Variants in FAT1 observed in about 807,000 individuals in gnomAD.
FAT1 encodes protocadherin Fat 1.
A neutral mutation model predicts 329.8 loss-of-function variants in FAT1; 171 were observed. That is an observed-to-expected ratio of 0.52 (90% confidence interval 0.46 to 0.59). The LOEUF (loss-of-function observed/expected upper bound fraction) is 0.59, where lower values mean the gene tolerates loss of function less well. FAT1 is among the 20% of genes least tolerant of loss of function. FAT1 has a pLI of 0.00. For synonymous variants in FAT1, 2,233 were observed against 2,228.6 expected (o/e 1.00, Z -0.06); for missense variants, 5,672 against 5,774.4 (o/e 0.98, Z 0.57).
At chr4:186,646,572 T>C (rs1031899178) in intron 3 of FAT1, among the ~76,000 whole-genome samples, 2 of 152,166 alleles carry the variant, frequency 1.3e-5, no homozygotes, top group African/African-American at 2.4e-5. Context: ...TTATGTCTGA[T>C]CCTTTATAGC....
chr4:186,683,621 T>G (rs1743326873), intron 2 of FAT1, among the ~76,000 whole-genome samples: 1 of 152,138 alleles, frequency 6.6e-6, no homozygotes, highest in South Asian at 2.1e-4. Context: ...CAGCAGGACT[T>G]GCAGCTGCTG....
intron 3 of FAT1, among the ~76,000 whole-genome samples, chr4:186,651,851 C>T (rs1238948407): frequency 1.3e-5 from 2 of 152,228 alleles, no homozygotes; most frequent in South Asian, 2.1e-4. Flanking sequence ...TAAGACCACA[C>T]GTCACTACAG....
intron 2 of FAT1, among the ~76,000 whole-genome samples, chr4:186,672,545 T>G (rs1263737558): frequency 6.6e-6 from 1 of 152,188 alleles, no homozygotes; most frequent in African/African-American, 2.4e-5. Flanking sequence ...AGTGGCCTGA[T>G]GATGACTGAC....
At chr4:186,595,351 G>A (rs1434284171) in intron 26 of FAT1, among the ~76,000 whole-genome samples, 1 of 151,856 alleles carries the variant, frequency 6.6e-6, no homozygotes, top group Non-Finnish European at 1.5e-5. Context: ...GTGCTGCGTG[G>A]TTAAGAAAGT....
chr4:186,609,050 T>G lies in FAT1; in HGVS notation c.10206+133A>C, dbSNP rs1398273986. 4 of 823,938 alleles carry G rather than the reference T, an allele frequency of 4.9e-6. No individual in the cohort carries two copies. In the South Asian group the frequency reaches 5.8e-5, roughly 12 times the overall value. The allele number at this position is 823,938 out of a possible 1,614,324, so 51.0% of individuals were successfully genotyped here. ...CTTCATAGTGTCATTGCTTTTCGAG[T>G]GTTTACATGTTGCCGTCAGTTCTTG... is the stretch of plus-strand genomic sequence containing the variant. On this transcript the variant is annotated intron_variant, in intron 16 of 26. Coordinates refer to ENST00000441802, the MANE Select transcript of FAT1 (RefSeq NM_005245.4).
At chr4:186,672,709 T>C (rs1742786827) in intron 2 of FAT1, among the ~76,000 whole-genome samples, 1 of 152,210 alleles carries the variant, frequency 6.6e-6, no homozygotes, top group South Asian at 2.1e-4. Context: ...ACAAGCAACC[T>C]GCCAGAAGTC....
chr4:186,725,097 A>G (rs1464980359), upstream of FAT1, among the ~76,000 whole-genome samples: 1 of 152,156 alleles, frequency 6.6e-6, no homozygotes, highest in Admixed American at 6.5e-5. The surrounding 1 kb of genome is among the most constrained non-coding windows in gnomAD (Gnocchi z 5.4). Context: ...ACCAGTTGGA[A>G]TACACATAGA....
In FAT1 at chr4:186,613,153, G is replaced by A. The variant is rs375308616; in HGVS notation, c.9419C>T (p.Pro3140Leu). 41 of 1,613,366 alleles carry A rather than the reference G, an allele frequency of 2.5e-5. No individual in the cohort carries two copies. Among genetic ancestry groups the A allele is most frequent in the African/African-American group, 2.5e-4 (19 of 74,978 alleles). ...CTGCACTCTTGTCAGCAGCGTTCCC[G>A]GCTCTGTGTTTTCAAACACGGTGAT... ...YAITVFENTE[P>L]GTLLTRVQAT... Residue 3140 changes from proline (P) to leucine (L), a missense_variant, in exon 13 of 27, where the codon CCG becomes CTG. Coordinates refer to ENST00000441802, the MANE Select transcript of FAT1 (RefSeq NM_005245.4).
At chr4:186,722,414 G>A (rs1745506319) in intron 1 of FAT1, among the ~76,000 whole-genome samples, 1 of 152,128 alleles carries the variant, frequency 6.6e-6, no homozygotes, top group African/African-American at 2.4e-5. Flanking sequence ...GCCATGTTTA[G>A]CATCACTCAA....
chr4:186,682,700 T>G (rs2126647254), intron 2 of FAT1, among the ~76,000 whole-genome samples: 1 of 152,280 alleles, frequency 6.6e-6, no homozygotes, highest in Non-Finnish European at 1.5e-5. Flanking sequence ...AAAGAAAGTC[T>G]GTTAGCAAAG....
In FAT1 at chr4:186,619,764, G is replaced by A. The variant is rs3796648; in HGVS notation, c.6822C>T (p.Asp2274=). ...ACACAGGAGGGTTATCATTGATGTC[G>A]TCTACTATGATGTCCACAAATACTT... The part of the protein sequence containing the change: ...HAEVFVDIIV[D]DINDNPPVFA... The change falls in exon 10 of 27, where the codon GAC becomes GAT. Residue 2274 remains aspartate, a synonymous_variant. Coordinates refer to ENST00000441802, the MANE Select transcript of FAT1 (RefSeq NM_005245.4). The A allele has an allele frequency of 1.8e-5, 29 of 1,613,816 alleles. No individual in the cohort carries two copies. Among genetic ancestry groups the A allele is most frequent in the African/African-American group, 1.6e-4 (12 of 74,922 alleles).
Position 186,618,826 on chromosome 4 carries a change from G to T in FAT1, c.7760C>A (p.Thr2587Lys). Residue 2587 changes from threonine to lysine, a missense_variant, in exon 10 of 27, where the codon ACA becomes AAA. Thr to Lys is a moderately conservative substitution (Grantham distance 78). This residue lies in a region of FAT1 where 3,966 missense variants were observed against 3,915.2 expected (regional missense o/e 1.01). Transcript: ENST00000441802. The stretch of plus-strand genomic sequence containing the variant: ...TTGTGGTGCATTGTCATTGTCATCT[G>T]TAAGGATGACATTCACGGTGCAGAA... ...VAFCTVNVIL[T>K]DDNDNAPQFR... The T allele has an allele frequency of 6.2e-7, 1 of 1,614,018 alleles. No homozygotes were observed. Among genetic ancestry groups the T allele is most frequent in the Middle Eastern group, 1.6e-4 (1 of 6,062 alleles).
intron 21 of FAT1, among the ~76,000 whole-genome samples, chr4:186,601,038 AGAGTTTGAATGTTAACTGTCACATG>A (rs1738789327): frequency 6.6e-6 from 1 of 152,214 alleles, no homozygotes; most frequent in South Asian, 2.1e-4. Context: ...GGCATCACCT[AGAGTTTGAATGTTAACTGTCACATG>A]GACCTAAATC....
intron 1 of FAT1, among the ~76,000 whole-genome samples, chr4:186,711,111 A>T (rs1280371313): frequency 6.6e-6 from 1 of 152,252 alleles, no homozygotes; most frequent in Non-Finnish European, 1.5e-5. Flanking sequence ...AATGAAGAGC[A>T]AACTGGAGGG....
intron 3 of FAT1, among the ~76,000 whole-genome samples, chr4:186,646,879 T>C (rs1407645358): frequency 1.3e-5 from 2 of 152,196 alleles, no homozygotes; most frequent in Non-Finnish European, 2.9e-5. Flanking sequence ...CTACTTCACC[T>C]GAACACGTAC....
At chr4:186,615,234 C>T (rs539657679) in intron 11 of FAT1, among the ~76,000 whole-genome samples, 98 of 152,152 alleles carry the variant, frequency 6.4e-4, no homozygotes, top group Middle Eastern at 3.4e-3. Flanking sequence ...GAGAGAATGT[C>T]GCACCCCTTC....
rs371051041 is a variant in FAT1 at position 186,612,044 on chromosome 4, C to T, written c.9464-269G>A. Among the ~76,000 whole-genome samples the T allele has an allele frequency of 1.1e-4, 17 of 150,600 alleles. No homozygotes were observed. The East Asian group carries it at 2.7e-3, about 24-fold the overall frequency. Reference sequence around the variant, plus strand: ...CAGGCTGGTCTTGAACTCCTGACCTCGTGATCCACCCGCCTCGGCCTCCCA... The same window carrying T: ...CAGGCTGGTCTTGAACTCCTGACCTTGTGATCCACCCGCCTCGGCCTCCCA... On this transcript the variant is annotated intron_variant, in intron 13 of 26. Transcript: ENST00000441802.
chr4:186,634,765 T>A (rs146611388), intron 6 of FAT1, among the ~76,000 whole-genome samples: 37 of 152,348 alleles, frequency 2.4e-4, no homozygotes, highest in Middle Eastern at 3.4e-3. Context: ...TCACAAGTCA[T>A]CTGAAAGATG....
At chr4:186,655,410 G>A (rs1225651481) in intron 3 of FAT1, among the ~76,000 whole-genome samples, 2 of 151,118 alleles carry the variant, frequency 1.3e-5, no homozygotes, top group African/African-American at 4.9e-5. Context: ...ATAATAATGT[G>A]GCAAGTTCAT....
Sources: allele counts gnomAD v4.1 joint callset (sites outside exome capture counted in the v4.1 genomes callset), GRCh38; gene constraint gnomAD v4.1.1; regional missense constraint gnomAD v4.1.1; non-coding constraint Gnocchi (gnomAD v3.1); transcripts MANE v1.5; gene names NCBI Gene and HGNC (gene_info 2026-07-23, HGNC 2026-07-21).